CX3CR1: variants seen among roughly 807,000 people sequenced by gnomAD.
CX3CR1 encodes CX3C chemokine receptor 1.
For synonymous variants in CX3CR1, 168 were observed against 178.5 expected (o/e 0.94, Z 0.47); for missense variants, 363 against 432.4 (o/e 0.84, Z 1.42).
rs2040699829 is a variant in CX3CR1 at position 39,266,346 on chromosome 3, G to T, written c.164C>A (p.Ala55Asp). 1 of 1,614,024 alleles carries T rather than the reference G, an allele frequency of 6.2e-7. No individual in the cohort carries two copies. Among genetic ancestry groups the T allele is most frequent in the Admixed American group, 1.7e-5 (1 of 60,006 alleles). ...CTTGGGCTTCTTGCTGTTGGTGAGG[G>T]CAAACACTACCAACAAATTTCCCAC... Reference protein sequence around the residue: ...GLVGNLLVVFALTNSKKPKSV... With the variant: ...GLVGNLLVVFDLTNSKKPKSV... Residue 55 changes from alanine (A) to aspartate (D), a missense_variant, in exon 2 of 2, where the codon GCC becomes GAC. Ala to Asp is a moderately radical substitution (Grantham distance 126). Coordinates refer to ENST00000399220, the MANE Select transcript of CX3CR1 (RefSeq NM_001337.4).
In CX3CR1 at chr3:39,266,189, G is replaced by A; in HGVS notation, c.321C>T (p.Ala107=). ...LHNAMCKFTT[A]FFFIGFFGSI... ...TTCCAAAAAAGCCGATGAAGAAGAA[G>A]GCGGTAGTGAATTTGCACATGGCAT... is the stretch of plus-strand genomic sequence containing the variant. The change falls in exon 2 of 2, where the codon GCC becomes GCT. Residue 107 remains alanine, a synonymous_variant. Transcript: ENST00000399220. 1.2e-6 allele frequency: 2 copies of A among 1,614,186 alleles called. No individual in the cohort carries two copies. The highest frequency in any genetic ancestry group is 1.7e-6 in the Non-Finnish European group (2 of 1,180,038).
At chr3:39,282,274 A>T (rs11716530), upstream of CX3CR1, among the ~76,000 whole-genome samples, 33,991 of 151,956 alleles carry the variant, frequency 0.22, 3,997 homozygotes, top group Middle Eastern at 0.35. Flanking sequence ...TCTCTGGCTC[A>T]GCGCTGGGAA....
intron 1 of CX3CR1, among the ~76,000 whole-genome samples, chr3:39,275,495 C>CG (rs2040829457): frequency 1.3e-5 from 2 of 152,156 alleles, no homozygotes; most frequent in Non-Finnish European, 2.9e-5. Flanking sequence ...GTACGGCAAA[C>CG]GGTGCTGGCA....
chr3:39,281,644 T>C (rs377416733), upstream of CX3CR1: 8 of 1,599,224 alleles, frequency 5.0e-6, no homozygotes, highest in Non-Finnish European at 6.8e-6. Context: ...GCCAGAGAGC[T>C]CTTCCTGAAA....
chr3:39,280,975 T>C (rs871144), upstream of CX3CR1: 370,119 of 523,380 alleles, frequency 0.71, 131,234 homozygotes, highest in East Asian at 0.73. Flanking sequence ...TTAAATGGTC[T>C]GTGACCCCTT....
chr3:39,264,687 A>C lies in CX3CR1; in HGVS notation c.*755T>G, dbSNP rs2125548638. On this transcript the variant is annotated 3_prime_UTR_variant, in exon 2 of 2. Transcript: ENST00000399220. ...CTTGCAGGTTTGGGGACATGATGGAAGAGGGCTTAATGAAGACGAGGCTGG... is the reference window on the plus strand; with the variant it reads ...CTTGCAGGTTTGGGGACATGATGGACGAGGGCTTAATGAAGACGAGGCTGG... 6.6e-6 allele frequency: 1 copy of C among 152,588 alleles called. No individual in the cohort carries two copies. The highest frequency in any genetic ancestry group is 2.1e-4 in the South Asian group (1 of 4,830). 9.5% of individuals were successfully genotyped at this position (152,588 alleles called of 1,614,324 possible).
At chr3:39,284,602 A>G (rs1295157776), upstream of CX3CR1, among the ~76,000 whole-genome samples, 2 of 152,244 alleles carry the variant, frequency 1.3e-5, no homozygotes. Flanking sequence ...CGGCTGCATA[A>G]AAGGGAAGGA....
At chr3:39,283,705 G>A (rs545313974), upstream of CX3CR1, among the ~76,000 whole-genome samples, 14 of 148,848 alleles carry the variant, frequency 9.4e-5, no homozygotes, top group South Asian at 2.1e-4. Context: ...GCTTGAAACC[G>A]GAAGGTGGAG....
chr3:39,279,871 G>T, intron 1 of CX3CR1, 83 bp downstream of exon 1: 3 of 574,040 alleles, frequency 5.2e-6, no homozygotes, highest in Non-Finnish European at 6.6e-6. Flanking sequence ...TTGTCTGCAC[G>T]TAAGCAAACA....
intron 1 of CX3CR1, among the ~76,000 whole-genome samples, chr3:39,267,145 CA>C (rs2040711013): frequency 6.6e-6 from 1 of 151,448 alleles, no homozygotes; most frequent in Admixed American, 6.6e-5. Context: ...AAAATCTCTC[CA>C]AAAGCTAGCT....
In CX3CR1 at chr3:39,263,667, A is replaced by T. The variant is rs1003591610; in HGVS notation, c.*1775T>A. The T allele has an allele frequency of 3.3e-5, 5 of 152,266 alleles. No individual in the cohort carries two copies. The highest frequency in any genetic ancestry group is 1.2e-4 in the African/African-American group (5 of 41,462). 9.4% of individuals were successfully genotyped at this position (152,266 alleles called of 1,614,324 possible). ...GAGCTATCAGATACACAGCAATTTA[A>T]CAGTTACCACATCTGACTTCAATGA... is the stretch of plus-strand genomic sequence containing the variant. On this transcript the variant is annotated 3_prime_UTR_variant, in exon 2 of 2. Transcript: ENST00000399220.
At chr3:39,291,613 A>G in the CX3CR1 span, among the ~76,000 whole-genome samples, 4 of 152,194 alleles carry the variant, frequency 2.6e-5, no homozygotes, top group African/African-American at 9.7e-5. Flanking sequence ...CCTGTCTCAG[A>G]TACTTTTTGG....
At chr3:39,283,076 G>T (rs2040917910), upstream of CX3CR1, among the ~76,000 whole-genome samples, 1 of 152,128 alleles carries the variant, frequency 6.6e-6, no homozygotes, top group African/African-American at 2.4e-5. Flanking sequence ...ATTTTTTGTA[G>T]AGACAGAGTT....
intron 1 of CX3CR1, among the ~76,000 whole-genome samples, chr3:39,270,874 CTT>C (rs1324150942): frequency 1.3e-5 from 2 of 152,130 alleles, no homozygotes; most frequent in East Asian, 1.9e-4. Context: ...AAATGAGTAA[CTT>C]AGTACAATAA....
upstream of CX3CR1, among the ~76,000 whole-genome samples, chr3:39,283,795 T>TATATA (rs1491542391): frequency 2.7e-3 from 174 of 65,294 alleles, 2 homozygotes; most frequent in East Asian, 0.013. Context: ...AAAAAAAAAA[T>TATATA]TATATATATA....
the CX3CR1 span, among the ~76,000 whole-genome samples, chr3:39,291,093 G>T: frequency 6.7e-6 from 1 of 148,494 alleles, no homozygotes; most frequent in Non-Finnish European, 1.5e-5. Context: ...TTTCACTCTT[G>T]TTGCCCAGGC....
chr3:39,266,737 AC>A, intron 1 of CX3CR1: 1 of 745,092 alleles, frequency 1.3e-6, no homozygotes, highest in South Asian at 1.4e-5. Context: ...GACTCCTTTG[AC>A]TTGCCCAAAG....
Position 39,265,459 on chromosome 3 carries a change from C to A in CX3CR1, c.1051G>T (p.Ala351Ser). ...NFTYHTSDGD[A>S]LLLL Reference sequence around the variant, plus strand: ...GATTCCCTTCAGAGAAGGAGCAATGCATCTCCATCACTCGTGTGGTAAGTA... The same window carrying A: ...GATTCCCTTCAGAGAAGGAGCAATGAATCTCCATCACTCGTGTGGTAAGTA... The change falls in exon 2 of 2, where the codon GCA (alanine) becomes TCA (serine). Residue 351 changes from alanine (A) to serine (S), a missense_variant. Physicochemically the swap from Ala to Ser is moderately conservative, Grantham distance 99 (BLOSUM62 1). Transcript: ENST00000399220. The A allele has an allele frequency of 6.2e-7, 1 of 1,610,144 alleles. No individual in the cohort carries two copies. The highest frequency in any genetic ancestry group is 8.5e-7 in the Non-Finnish European group (1 of 1,177,180).
chr3:39,284,425 A>G (rs143667969), upstream of CX3CR1, among the ~76,000 whole-genome samples: 2,662 of 152,176 alleles, frequency 0.017, 73 homozygotes, highest in African/African-American at 0.06. Flanking sequence ...GCCTCCCAAA[A>G]TGCTGGGATT....
Sources: gnomAD v4.1 joint callset for allele counts (sites outside exome capture counted in the v4.1 genomes callset) on GRCh38, gnomAD v4.1.1 for gene constraint, MANE v1.5 for transcripts, NCBI Gene and HGNC (gene_info 2026-07-23, HGNC 2026-07-21) for gene names.